Variants in RNPS1 observed in about 807,000 individuals in gnomAD.
RNPS1 encodes the protein RNA-binding protein with serine-rich domain 1.
For synonymous variants in RNPS1, 147 were observed against 150.0 expected (o/e 0.98, Z 0.15); for missense variants, 300 against 427.6 (o/e 0.70, Z 2.63).
intron 1 of RNPS1, chr16:2,265,799 G>T (rs1169240136): frequency 6.6e-6 from 1 of 152,164 alleles, no homozygotes; most frequent in African/African-American, 2.4e-5. Flanking sequence ...TGGTCTTTAT[G>T]TGAGTATTAA....
At chr16:2,266,924 A>AT (rs2093627238) in intron 1 of RNPS1, 1 of 210,430 alleles carries the variant, frequency 4.8e-6, no homozygotes. Flanking sequence ...GATTAGCTGT[A>AT]TTTCACATGC....
rs1280284553 is a variant in RNPS1, at chr16:2,263,381, C to G, written c.228-94G>C. The G allele has an allele frequency of 3.8e-6, 5 of 1,319,832 alleles. No individual in the cohort carries two copies. The African/African-American group carries it at 7.3e-5, about 19-fold the overall frequency. 81.8% of individuals were successfully genotyped at this position (1,319,832 alleles called of 1,614,324 possible). ...CTGTTGTGCTCCCCCCAGGAGAAAC[C>G]TGCTGTTCGGGTGCCTCCAGGCCTC... On this transcript the variant is annotated intron_variant, in intron 3 of 7. Transcript: ENST00000320225.
intron 1 of RNPS1, chr16:2,265,521 G>A (rs899785668): frequency 7.0e-6 from 1 of 143,778 alleles, no homozygotes; most frequent in South Asian, 2.2e-4. Context: ...GTCTTGCTCT[G>A]TCACCCAGGC....
chr16:2,258,724 T>A (rs2093589509), intron 6 of RNPS1: 1 of 151,604 alleles, frequency 6.6e-6, no homozygotes. Flanking sequence ...AGACTCTGTC[T>A]CAAAAAAAGG....
chr16:2,262,129 TCCAGGAACTGCACC>T lies in RNPS1; in HGVS notation c.676+135_676+148del, dbSNP rs1056906534. The T allele has an allele frequency of 2.8e-5, 20 of 712,306 alleles. No homozygotes were observed. The Admixed American group carries it at 6.0e-4, about 21-fold the overall frequency. The allele number at this position is 712,306 out of a possible 1,614,324, so 44.1% of individuals were successfully genotyped here. ...AATAGCAGCCCAAACCTCAGTTTGG[TCCAGGAACTGCACC>T]CCAGCCTGGGCAACAAGTGTGAAAC... On this transcript the variant is annotated intron_variant, in intron 6 of 7. Transcript: ENST00000320225.
At chr16:2,255,826 T>C in intron 6 of RNPS1, 100 bp from the exon 7 acceptor site, 2 of 1,323,764 alleles carry the variant, frequency 1.5e-6, no homozygotes, top group Non-Finnish European at 2.1e-6. Flanking sequence ...AATGACAATG[T>C]AAGATAATCA....
At chr16:2,254,438 C>A (rs997312407) in intron 7 of RNPS1, among the ~76,000 whole-genome samples, 1 of 152,104 alleles carries the variant, frequency 6.6e-6, no homozygotes, top group South Asian at 2.1e-4. Context: ...GGACTACAGG[C>A]ACACGCCACC....
chr16:2,254,269 G>A (rs561680878), intron 7 of RNPS1, among the ~76,000 whole-genome samples: 2 of 152,320 alleles, frequency 1.3e-5, no homozygotes, highest in East Asian at 1.9e-4. Context: ...CCATGCAACT[G>A]GGACTACAGG....
intron 1 of RNPS1, 177 bp downstream of exon 1, chr16:2,267,878 G>C (rs969250029): frequency 2.6e-6 from 4 of 1,516,386 alleles, no homozygotes; most frequent in African/African-American, 1.4e-5. Flanking sequence ...CCACGGCCTC[G>C]ACACCTCCCA....
intron 6 of RNPS1, among the ~76,000 whole-genome samples, chr16:2,259,260 G>T (rs1227942362): frequency 6.6e-6 from 1 of 152,126 alleles, no homozygotes; most frequent in Non-Finnish European, 1.5e-5. Context: ...TGTTTGGGCT[G>T]TATTTGTATA....
rs539550931 is a variant in RNPS1, at chr16:2,258,344, T to C, written c.677-2618A>G. 9 of 152,320 alleles carry C rather than the reference T, an allele frequency of 5.9e-5. No homozygotes were observed. The East Asian group carries it at 1.3e-3, about 23-fold the overall frequency. 9.4% of individuals were successfully genotyped at this position (152,320 alleles called of 1,614,324 possible). On this transcript the variant is annotated intron_variant, in intron 6 of 7. Transcript: ENST00000320225. ...ATCTACGCATATTTGCTAATTTTTTTCCCCCAAGAATAGTGTTCCTTTAAA... is the reference window on the plus strand; with the variant it reads ...ATCTACGCATATTTGCTAATTTTTTCCCCCCAAGAATAGTGTTCCTTTAAA...
chr16:2,255,059 G>C (rs1054985526), intron 7 of RNPS1, among the ~76,000 whole-genome samples: 1 of 152,076 alleles, frequency 6.6e-6, no homozygotes, highest in African/African-American at 2.4e-5. Context: ...TTTAATACTA[G>C]AAGTTGGGAC....
chr16:2,261,184 A>G (rs1168997235), intron 6 of RNPS1, among the ~76,000 whole-genome samples: 1 of 152,014 alleles, frequency 6.6e-6, no homozygotes, highest in Non-Finnish European at 1.5e-5. Flanking sequence ...ACTGTTCTCA[A>G]TTTTTTCCTT....
chr16:2,266,889 G>T, intron 1 of RNPS1: 1 of 231,662 alleles, frequency 4.3e-6, no homozygotes, highest in Non-Finnish European at 7.1e-6. Context: ...TCTAAAACTG[G>T]TGTGTGTTTT....
chr16:2,254,120 T>C, intron 7 of RNPS1, 57 bp from the exon 8 acceptor site: 2 of 1,258,504 alleles, frequency 1.6e-6, no homozygotes, highest in Non-Finnish European at 2.1e-6. Flanking sequence ...GCAAGCTAGC[T>C]TCTTTCTGGG....
chr16:2,266,361 C>T (rs1385904889), intron 1 of RNPS1: 4 of 985,222 alleles, frequency 4.1e-6, no homozygotes, highest in Non-Finnish European at 1.2e-6. Context: ...CAGATAGTGC[C>T]TCGACACTCT....
chr16:2,260,128 TTGTG>T (rs373510877), intron 6 of RNPS1, among the ~76,000 whole-genome samples: 6 of 150,844 alleles, frequency 4.0e-5, no homozygotes, highest in East Asian at 3.9e-4. Flanking sequence ...TGGAAACTAT[TTGTG>T]TGTGTGTGTG....
intron 1 of RNPS1, chr16:2,267,650 C>G: frequency 1.8e-6 from 2 of 1,105,588 alleles, no homozygotes; most frequent in Non-Finnish European, 2.2e-6. Flanking sequence ...GCTACCCGTC[C>G]GCGTTCACTC....
intron 3 of RNPS1, 138 bp from the exon 4 acceptor site, chr16:2,263,425 G>A: frequency 2.6e-6 from 2 of 782,014 alleles, no homozygotes; most frequent in Non-Finnish European, 4.2e-6. Context: ...CAGCAGTGGG[G>A]AAAACATCAC....
Sources: allele counts gnomAD v4.1 joint callset (sites outside exome capture counted in the v4.1 genomes callset), GRCh38; gene constraint gnomAD v4.1.1; transcripts MANE v1.5; gene names NCBI Gene and HGNC (gene_info 2026-07-23, HGNC 2026-07-21).